Variants in ADAM12 observed in about 807,000 individuals in gnomAD.
ADAM12 encodes disintegrin and metalloproteinase domain-containing protein 12.
A neutral mutation model predicts 106.4 loss-of-function variants in ADAM12; 70 were observed. The ratio of observed to expected loss-of-function variants is 0.66; its 90% CI spans 0.54 to 0.80. The LOEUF is 0.80. Ranked by LOEUF, ADAM12 falls within the 30% of genes least tolerant of loss-of-function variation. ADAM12 has a pLI of 0.00. For missense variants in ADAM12, 1,010 were observed against 1,171.9 expected, an observed-to-expected ratio of 0.86 and a Z score of 2.02; for synonymous variants, 420 against 433.5, an observed-to-expected ratio of 0.97 and a Z score of 0.39.
intron 4 of ADAM12, among the ~76,000 whole-genome samples, chr10:126,146,453 T>C (rs1956629864): frequency 6.6e-6 from 1 of 151,998 alleles, no homozygotes; most frequent in Non-Finnish European, 1.5e-5. Flanking sequence ...GAAAGCAAAA[T>C]GAAGAAGCAG....
intron 3 of ADAM12, among the ~76,000 whole-genome samples, chr10:126,243,489 A>G (rs201950870): frequency 0.018 from 2,697 of 146,914 alleles, 89 homozygotes; most frequent in African/African-American, 0.061. Context: ...GTGTGAGTGT[A>G]TGTGTGTGTG....
intron 1 of ADAM12, among the ~76,000 whole-genome samples, chr10:126,331,505 T>C (rs1731850541): frequency 6.6e-6 from 1 of 152,224 alleles, no homozygotes; most frequent in South Asian, 2.1e-4. Flanking sequence ...CATTTTATCA[T>C]GCTCAATGTG....
At chr10:126,085,951 T>A (rs1274814133) in intron 11 of ADAM12, among the ~76,000 whole-genome samples, 2 of 152,154 alleles carry the variant, frequency 1.3e-5, no homozygotes, top group Non-Finnish European at 2.9e-5. Flanking sequence ...AATAATCCTT[T>A]ACCCTACACT....
At position 126,358,046 on chromosome 10, in the gene ADAM12, C is replaced by T. The variant is rs145216506; in HGVS notation, c.89-27537G>A. Among the ~76,000 whole-genome samples the T allele has an allele frequency of 5.3e-3, 799 of 152,026 alleles. 6 individuals carry two copies. The highest frequency in any genetic ancestry group is 0.018 in the African/African-American group (767 of 41,478). On this transcript the variant is annotated intron_variant, in intron 1 of 22. Coordinates refer to ENST00000448723, the MANE Select transcript of ADAM12 (RefSeq NM_001288973.2). ...AAGTAAAGAAAATTGGGCGAGGTGG[C>T]GGGTGCCTGTAGTCCCAGCTACTCA...
chr10:126,244,179 AT>A (rs1958584888), intron 3 of ADAM12, among the ~76,000 whole-genome samples: 1 of 152,210 alleles, frequency 6.6e-6, no homozygotes, highest in African/African-American at 2.4e-5. Flanking sequence ...ATGTACAACT[AT>A]GGGCAAAGTA....
intron 1 of ADAM12, among the ~76,000 whole-genome samples, chr10:126,353,081 G>T (rs1367078838): frequency 6.6e-6 from 1 of 152,172 alleles, no homozygotes. Context: ...TGGAACATCA[G>T]AGCATCTCCT....
chr10:126,370,883 C>T (rs1856089019), intron 1 of ADAM12, among the ~76,000 whole-genome samples: 1 of 152,102 alleles, frequency 6.6e-6, no homozygotes, highest in African/African-American at 2.4e-5. Context: ...GTTTCTTCAT[C>T]TGTAAAATGG....
intron 3 of ADAM12, among the ~76,000 whole-genome samples, chr10:126,224,267 A>G (rs1040571554): frequency 2.6e-5 from 4 of 152,096 alleles, no homozygotes; most frequent in Middle Eastern, 3.2e-3. Context: ...ATTCTTAGAC[A>G]GGTCCTGCAG....
intron 19 of ADAM12, 87 bp from the exon 20 acceptor site, chr10:126,038,436 AAAAGACAGTTT>A: frequency 9.7e-7 from 1 of 1,033,740 alleles, no homozygotes; most frequent in South Asian, 1.7e-5. Flanking sequence ...AGTGGCACTC[AAAAGACAGTTT>A]ACTTAACTCA....
chr10:126,163,296 G>C (rs1389801845), intron 3 of ADAM12, among the ~76,000 whole-genome samples: 1 of 152,216 alleles, frequency 6.6e-6, no homozygotes. Flanking sequence ...CATGGGAGCA[G>C]GTGACTCCTA....
rs1334142722 is a variant in ADAM12, at chr10:126,049,701, C to T, written c.1610-32G>A. On this transcript the variant is annotated intron_variant, in intron 14 of 22. Transcript: ENST00000448723. This position sits in a 1 kb window ranked among gnomAD's most constrained non-coding sequence, Gnocchi z 4.4. ...CAGAAGCAGAACTGCATTTTCATCT[C>T]CTGCAGGTGATTTTTTTTTTTTCAT... 3.2e-6 allele frequency: 5 copies of T among 1,585,966 alleles called. No homozygotes were observed. Among genetic ancestry groups the T allele is most frequent in the Non-Finnish European group, 3.4e-6 (4 of 1,166,128 alleles).
At chr10:126,048,963 G>T (rs1159770884) in intron 16 of ADAM12, among the ~76,000 whole-genome samples, 1 of 152,136 alleles carries the variant, frequency 6.6e-6, no homozygotes, top group Non-Finnish European at 1.5e-5. Context: ...TAGAATATGC[G>T]ATTGTATTTC....
intron 21 of ADAM12, among the ~76,000 whole-genome samples, chr10:126,031,326 A>G (rs1439372484): frequency 6.6e-6 from 1 of 152,250 alleles, no homozygotes; most frequent in Non-Finnish European, 1.5e-5. Context: ...CCAGATTTCT[A>G]GGCTCTGCAA....
chr10:126,180,710 A>G (rs73380553), intron 3 of ADAM12, among the ~76,000 whole-genome samples: 11,643 of 152,204 alleles, frequency 0.076, 1,486 homozygotes, highest in African/African-American at 0.26. Context: ...GAAGTTATCG[A>G]TCCTTTTCCC....
chr10:126,134,537 T>C (rs1448794239), intron 5 of ADAM12, among the ~76,000 whole-genome samples: 6 of 152,220 alleles, frequency 3.9e-5, no homozygotes, highest in Admixed American at 3.9e-4. Context: ...TTTAGTTACA[T>C]GAAAGGACCA....
intron 3 of ADAM12, among the ~76,000 whole-genome samples, chr10:126,167,227 T>C (rs1957040433): frequency 6.6e-6 from 1 of 152,202 alleles, no homozygotes; most frequent in Non-Finnish European, 1.5e-5. Flanking sequence ...CTTATTTGTA[T>C]ATGAGACACT....
At chr10:126,121,443 T>C (rs1479475720) in intron 5 of ADAM12, among the ~76,000 whole-genome samples, 1 of 134,408 alleles carries the variant, frequency 7.4e-6, no homozygotes, top group Non-Finnish European at 1.5e-5. Flanking sequence ...ATATTGCATA[T>C]TATATAATAT....
intron 14 of ADAM12, among the ~76,000 whole-genome samples, chr10:126,058,020 G>T (rs1954670454): frequency 6.6e-6 from 1 of 152,196 alleles, no homozygotes; most frequent in African/African-American, 2.4e-5. Context: ...CATGACCGAA[G>T]CCAGGGGAGT....
intron 3 of ADAM12, among the ~76,000 whole-genome samples, chr10:126,158,232 T>C (rs905087773): frequency 7.9e-6 from 1 of 126,892 alleles, no homozygotes; most frequent in East Asian, 2.5e-4. Flanking sequence ...GAGCACGGGG[T>C]AATGCACACA....
Sources: gnomAD v4.1 joint callset for allele counts (sites outside exome capture counted in the v4.1 genomes callset) on GRCh38, gnomAD v4.1.1 for gene constraint, Gnocchi (gnomAD v3.1) non-coding constraint, MANE v1.5 for transcripts, NCBI Gene and HGNC (gene_info 2026-07-23, HGNC 2026-07-21) for gene names.